KRABD2: variants seen among roughly 807,000 people sequenced by gnomAD.
KRABD2 encodes the protein KRAB domain containing 2.
chr17:8,376,095 T>C, the KRABD2 span: 1 of 1,231,746 alleles, frequency 8.1e-7, no homozygotes, highest in Non-Finnish European at 1.0e-6. Flanking sequence ...CCAGTTCAGA[T>C]ATATACAACC....
the KRABD2 span, chr17:8,371,398 A>T: frequency 6.2e-7 from 1 of 1,614,180 alleles, no homozygotes; most frequent in Non-Finnish European, 8.5e-7. Flanking sequence ...ATCTTTGGTC[A>T]TATTTTCAAA....
chr17:8,364,411 G>A, the KRABD2 span, among the ~76,000 whole-genome samples: 1 of 152,040 alleles, frequency 6.6e-6, no homozygotes, highest in Admixed American at 6.6e-5. The surrounding 1 kb of genome is among the most constrained non-coding windows in gnomAD (Gnocchi z 4.4). Flanking sequence ...GCAGTGTGGT[G>A]ATACGATCAT....
the KRABD2 span, among the ~76,000 whole-genome samples, chr17:8,363,815 C>CATATATAT: frequency 8.9e-5 from 9 of 101,548 alleles, no homozygotes; most frequent in African/African-American, 3.6e-4. Flanking sequence ...ATATATCATA[C>CATATATAT]ATATATATAT....
At chr17:8,363,066 T>C in the KRABD2 span, among the ~76,000 whole-genome samples, 1 of 152,236 alleles carries the variant, frequency 6.6e-6, no homozygotes, top group Admixed American at 6.5e-5. Context: ...AAATATAATC[T>C]GCTACTGGTA....
the KRABD2 span, chr17:8,375,828 G>T: frequency 2.8e-6 from 3 of 1,054,438 alleles, no homozygotes; most frequent in Non-Finnish European, 1.2e-6. Flanking sequence ...CTATGTGACG[G>T]CTAGGTGATA....
chr17:8,370,519 T>A, the KRABD2 span: 1 of 660,286 alleles, frequency 1.5e-6, no homozygotes, highest in Non-Finnish European at 2.5e-6. Context: ...GATAATAGAA[T>A]AATAGTTAAA....
At chr17:8,363,810 TCATACATATATATATCATA>T in the KRABD2 span, among the ~76,000 whole-genome samples, 4 of 121,314 alleles carry the variant, frequency 3.3e-5, no homozygotes, top group South Asian at 1.0e-3. Flanking sequence ...CATATATATA[TCATACATATATATATCATA>T]CATATATATA....
At chr17:8,374,927 G>C in the KRABD2 span, among the ~76,000 whole-genome samples, 3 of 47,828 alleles carry the variant, frequency 6.3e-5, no homozygotes, top group Non-Finnish European at 1.0e-4. Context: ...GACAGAGCCA[G>C]ACTCTGTCAC....
chr17:8,362,701 T>C, the KRABD2 span, among the ~76,000 whole-genome samples: 1 of 152,200 alleles, frequency 6.6e-6, no homozygotes, highest in South Asian at 2.1e-4. The surrounding 1 kb of genome is among the most constrained non-coding windows in gnomAD (Gnocchi z 4.2). Context: ...CCTTTTAAGA[T>C]GGCTCACTCA....
At chr17:8,359,363 T>A in the KRABD2 span, 1 of 349,440 alleles carries the variant, frequency 2.9e-6, no homozygotes, top group Non-Finnish European at 5.6e-6. Flanking sequence ...GTAGGCAGGA[T>A]GGAGAATGTT....
chr17:8,376,259 G>A, the KRABD2 span: 3 of 1,229,486 alleles, frequency 2.4e-6, no homozygotes, highest in Admixed American at 8.5e-5. Context: ...CGGTACGGCC[G>A]AGTCTACGCT....
At chr17:8,370,167 C>T in the KRABD2 span, 1 of 1,613,512 alleles carries the variant, frequency 6.2e-7, no homozygotes, top group Non-Finnish European at 8.5e-7. Flanking sequence ...TGACTTCTTC[C>T]CTTTTTCTTT....
the KRABD2 span, among the ~76,000 whole-genome samples, chr17:8,363,846 T>TG: frequency 4.6e-5 from 4 of 87,422 alleles, no homozygotes; most frequent in South Asian, 6.4e-4. Flanking sequence ...TATATATATA[T>TG]ATATATATAT....
At chr17:8,375,901 T>C in the KRABD2 span, 1 of 1,228,560 alleles carries the variant, frequency 8.1e-7, no homozygotes, top group South Asian at 4.3e-5. Context: ...TTCACCCACC[T>C]GTGAGTCTTC....
At chr17:8,374,668 C>T in the KRABD2 span, among the ~76,000 whole-genome samples, 5 of 149,252 alleles carry the variant, frequency 3.4e-5, no homozygotes, top group South Asian at 2.1e-4. Flanking sequence ...ATGATTCGGC[C>T]GGGCGTGGGG....
the KRABD2 span, chr17:8,372,001 G>C: frequency 4.1e-6 from 4 of 985,636 alleles, no homozygotes; most frequent in Non-Finnish European, 4.8e-6. This position sits in a 1 kb window ranked among gnomAD's most constrained non-coding sequence, Gnocchi z 4.1. Flanking sequence ...CATGAGGACT[G>C]CAGGAATTCC....
chr17:8,367,585 C>T, the KRABD2 span, among the ~76,000 whole-genome samples: 1 of 150,268 alleles, frequency 6.7e-6, no homozygotes, highest in Non-Finnish European at 1.5e-5. Flanking sequence ...ATTGCTTGAA[C>T]TGGGGAGGCA....
chr17:8,359,367 G>T, the KRABD2 span: 1 of 349,338 alleles, frequency 2.9e-6, no homozygotes, highest in Non-Finnish European at 5.6e-6. Flanking sequence ...GCAGGATGGA[G>T]AATGTTCAGC....
At chr17:8,369,033 G>C in the KRABD2 span, 1 of 1,487,164 alleles carries the variant, frequency 6.7e-7, no homozygotes, top group Non-Finnish European at 8.9e-7. Context: ...CTTGACCTGA[G>C]AGTGCAGCCT....
Sources: allele counts gnomAD v4.1 joint callset (sites outside exome capture counted in the v4.1 genomes callset), GRCh38; gene constraint gnomAD v4.1.1; non-coding constraint Gnocchi (gnomAD v3.1); transcripts MANE v1.5; gene names NCBI Gene and HGNC (gene_info 2026-07-23, HGNC 2026-07-21).